The following SERPINB10 variants were observed in gnomAD, a reference collection of about 807,000 sequenced individuals.
The protein encoded by SERPINB10 is serpin B10.
SERPINB10 carries 35 observed loss-of-function variants against 39.1 expected under a neutral mutation model. The observed-to-expected ratio is 0.90, with a 90% confidence interval of 0.68 to 1.19. SERPINB10 has a LOEUF of 1.19. Ranked by LOEUF, SERPINB10 falls within the 50% of genes most tolerant of loss-of-function variation. The probability of loss-of-function intolerance (pLI) is 0.00; values close to 1 mark genes in which losing one functional copy is unlikely to be tolerated. For synonymous variants in SERPINB10, 190 were observed against 158.1 expected, an observed-to-expected ratio of 1.20 and a Z score of -1.52; for missense variants, 546 against 460.5, an observed-to-expected ratio of 1.19 and a Z score of -1.70.
chr18:63,915,614 T>C lies in SERPINB10; in HGVS notation c.104T>C (p.Ile35Thr), dbSNP rs373691683. 12 of 1,612,724 alleles carry C rather than the reference T, an allele frequency of 7.4e-6. No individual in the cohort carries two copies. The highest frequency in any genetic ancestry group is 1.0e-5 in the Non-Finnish European group (12 of 1,179,268). The stretch of plus-strand genomic sequence containing the variant: ...AATATCTTCTTTTCTTCCTGGAGCA[T>C]CTCAACTTCCTTGACCATAGTGTAT... Reference protein sequence around the residue: ...GKNIFFSSWSISTSLTIVYLG... With the variant: ...GKNIFFSSWSTSTSLTIVYLG... Residue 35 changes from isoleucine to threonine, a missense_variant, in exon 2 of 8, where the codon ATC becomes ACC. Ile to Thr is a moderately conservative substitution (Grantham distance 89). Coordinates refer to ENST00000238508, the MANE Select transcript of SERPINB10 (RefSeq NM_005024.3).
chr18:63,927,180 T>C (rs1400421004), intron 5 of SERPINB10, among the ~76,000 whole-genome samples: 1 of 151,994 alleles, frequency 6.6e-6, no homozygotes, highest in African/African-American at 2.4e-5. Context: ...CTAATGTTTC[T>C]GGGTTAGCAT....
rs985537023 is a variant in SERPINB10 at position 63,917,352 on chromosome 18, G to A, written c.169-104G>A. 29 of 598,386 alleles carry A rather than the reference G, an allele frequency of 4.8e-5. No individual in the cohort carries two copies. The African/African-American group carries it at 5.5e-4, about 11-fold the overall frequency. 37.1% of individuals were successfully genotyped at this position (598,386 alleles called of 1,614,324 possible). ...AGCCCCTTTGTTTAACTAATTATAT[G>A]TTCTGCAATTATAGGAATGACTGAC... On this transcript the variant is annotated intron_variant, in intron 2 of 7. Coordinates refer to ENST00000238508, the MANE Select transcript of SERPINB10 (RefSeq NM_005024.3).
intron 6 of SERPINB10, among the ~76,000 whole-genome samples, chr18:63,932,492 T>C (rs1344260563): frequency 1.3e-5 from 2 of 152,226 alleles, no homozygotes; most frequent in East Asian, 3.8e-4. Context: ...TGAGCATTTT[T>C]CATGTGCTGT....
At chr18:63,925,791 A>G (rs965363737) in intron 5 of SERPINB10, among the ~76,000 whole-genome samples, 1 of 151,998 alleles carries the variant, frequency 6.6e-6, no homozygotes, top group Non-Finnish European at 1.5e-5. Flanking sequence ...GGAATTATAA[A>G]TGGATACTAA....
intron 1 of SERPINB10, among the ~76,000 whole-genome samples, chr18:63,913,645 A>C (rs1029813360): frequency 2.6e-5 from 4 of 152,040 alleles, no homozygotes; most frequent in Non-Finnish European, 5.9e-5. Context: ...TAGTTGGTAC[A>C]ATTTCAGTTT....
chr18:63,930,227 C>G, intron 6 of SERPINB10, 40 bp downstream of exon 6: 1 of 1,592,630 alleles, frequency 6.3e-7, no homozygotes, highest in South Asian at 1.1e-5. Flanking sequence ...TTTCACATGG[C>G]ATTGTACAAG....
chr18:63,922,558 G>T (rs143307567), intron 5 of SERPINB10, among the ~76,000 whole-genome samples: 2 of 151,972 alleles, frequency 1.3e-5, no homozygotes, highest in African/African-American at 4.8e-5. Flanking sequence ...TGGAAGGCTG[G>T]GGCAACTAAT....
rs963075 is a variant in SERPINB10 at position 63,933,150 on chromosome 18, C to G, written c.736C>G (p.Arg246Gly). ...GGGCCTTCAACTCTACTACAAAAGC[C>G]GTGACCTCAGCCTGCTTATACTACT... The part of the protein sequence containing the change: ...AVGLQLYYKS[R>G]DLSLLILLPE... The change falls in exon 7 of 8, where the codon CGT (arginine) becomes GGT (glycine). Residue 246 changes from arginine (R) to glycine (G), a missense_variant. Physicochemically the swap from Arg to Gly is moderately radical, Grantham distance 125. Coordinates refer to ENST00000238508, the MANE Select transcript of SERPINB10 (RefSeq NM_005024.3). The G allele has an allele frequency of 3.7e-6, 6 of 1,613,664 alleles. No homozygotes were observed. Among genetic ancestry groups the G allele is most frequent in the Non-Finnish European group, 5.1e-6 (6 of 1,179,886 alleles).
intron 6 of SERPINB10, among the ~76,000 whole-genome samples, chr18:63,930,853 T>C (rs947122477): frequency 6.6e-6 from 1 of 152,140 alleles, no homozygotes; most frequent in Non-Finnish European, 1.5e-5. Context: ...AGTTGGAAAA[T>C]CCCATTCCAA....
rs2050255376 is a variant in SERPINB10, at chr18:63,935,303, G to A, written c.*61G>A. 6.8e-7 allele frequency: 1 copy of A among 1,470,124 alleles called. No individual in the cohort carries two copies. The allele number at this position is 1,470,124 out of a possible 1,614,324, so 91.1% of individuals were successfully genotyped here. A position where few individuals can be genotyped will look rare whatever the true frequency, so the allele number is the denominator to read the frequency against. On this transcript the variant is annotated 3_prime_UTR_variant, in exon 8 of 8. Transcript: ENST00000238508. Reference sequence around the variant, plus strand: ...CAGTGTGAAAAATGTACCATGAGATGGAAAAGCACAATTTTCACAAAAATG... The same window carrying A: ...CAGTGTGAAAAATGTACCATGAGATAGAAAAGCACAATTTTCACAAAAATG...
chr18:63,916,671 T>C (rs960468883), intron 2 of SERPINB10, among the ~76,000 whole-genome samples: 1 of 152,106 alleles, frequency 6.6e-6, no homozygotes, highest in African/African-American at 2.4e-5. Context: ...CTTAAGTGGA[T>C]TCCAATGTGA....
At chr18:63,922,145 C>A (rs2050151137) in intron 5 of SERPINB10, among the ~76,000 whole-genome samples, 1 of 151,948 alleles carries the variant, frequency 6.6e-6, no homozygotes, top group South Asian at 2.1e-4. Flanking sequence ...CAGGCCTGCT[C>A]ATAGCAGTTG....
chr18:63,913,503 T>C (rs1361831821), intron 1 of SERPINB10, among the ~76,000 whole-genome samples: 1 of 152,068 alleles, frequency 6.6e-6, no homozygotes, highest in African/African-American at 2.4e-5. Context: ...AAGACGTTGA[T>C]TTCTGCGGTA....
intron 1 of SERPINB10, among the ~76,000 whole-genome samples, chr18:63,909,200 A>T (rs2050046649): frequency 6.6e-6 from 1 of 152,080 alleles, no homozygotes; most frequent in Non-Finnish European, 1.5e-5. Context: ...TCTACAGGTT[A>T]AGCTCATAGA....
At chr18:63,910,549 CAT>C (rs1156965139) in intron 1 of SERPINB10, among the ~76,000 whole-genome samples, 2 of 151,928 alleles carry the variant, frequency 1.3e-5, no homozygotes, top group African/African-American at 4.8e-5. Context: ...TAAATGAGAA[CAT>C]GTGGTATTTT....
intron 1 of SERPINB10, among the ~76,000 whole-genome samples, chr18:63,909,230 GA>G (rs2050046924): frequency 1.3e-5 from 2 of 152,096 alleles, no homozygotes; most frequent in South Asian, 4.1e-4. Flanking sequence ...TATAGCTCTT[GA>G]AAACTGCAAA....
intron 7 of SERPINB10, among the ~76,000 whole-genome samples, chr18:63,933,688 A>G (rs2050240604): frequency 6.6e-6 from 1 of 152,224 alleles, no homozygotes; most frequent in Non-Finnish European, 1.5e-5. Context: ...TTTATCAAGT[A>G]AGCAACCTTC....
Position 63,908,040 on chromosome 18 carries a change from G to A in SERPINB10, c.-10G>A, listed in dbSNP as rs1016863963. On this transcript the variant is annotated splice_region_variant and 5_prime_UTR_variant, in exon 1 of 8. Coordinates refer to ENST00000238508, the MANE Select transcript of SERPINB10 (RefSeq NM_005024.3). Reference sequence around the variant, plus strand: ...ATTCTGCTCCAGTGGGAGAAAACAAGGTATTGTAAATATTTCTTTGGTTAA... The same window carrying A: ...ATTCTGCTCCAGTGGGAGAAAACAAAGTATTGTAAATATTTCTTTGGTTAA... 1 of 327,034 alleles carries A rather than the reference G, an allele frequency of 3.1e-6. No individual in the cohort carries two copies. Among genetic ancestry groups the A allele is most frequent in the East Asian group, 1.3e-4 (1 of 7,712 alleles). The allele number at this position is 327,034 out of a possible 1,614,324, so 20.3% of individuals were successfully genotyped here. A position where few individuals can be genotyped will look rare whatever the true frequency, so the allele number is the denominator to read the frequency against.
At position 63,933,672 on chromosome 18, in the gene SERPINB10, A is replaced by T. The variant is rs185581748; in HGVS notation, c.789+469A>T. On this transcript the variant is annotated intron_variant, in intron 7 of 7. Coordinates refer to ENST00000238508, the MANE Select transcript of SERPINB10 (RefSeq NM_005024.3). ...GCTGTCTTCCAAAACTTATTTGTTG[A>T]ACATTTTTATCAAGTAAGCAACCTT... 2.0e-5 allele frequency among the ~76,000 whole-genome samples: 3 copies of T among 152,334 alleles called. No homozygotes were observed. The East Asian group carries it at 5.8e-4, about 29-fold the overall frequency.
Sources: allele counts gnomAD v4.1 joint callset (sites outside exome capture counted in the v4.1 genomes callset), GRCh38; gene constraint gnomAD v4.1.1; transcripts MANE v1.5; gene names NCBI Gene and HGNC (gene_info 2026-07-23, HGNC 2026-07-21).